USP38: variants seen among roughly 807,000 people sequenced by gnomAD.
The protein encoded by USP38 is ubiquitin specific peptidase 38.
USP38 carries 49 observed loss-of-function variants against 94.3 expected under a neutral mutation model. The observed-to-expected ratio is 0.52, with a 90% CI of 0.41 to 0.66. The LOEUF (loss-of-function observed/expected upper bound fraction) is 0.66, where lower values mean the gene tolerates loss of function less well. USP38 is among the 30% of genes least tolerant of loss of function. The probability of loss-of-function intolerance (pLI) is 0.00; values close to 1 mark genes in which losing one functional copy is unlikely to be tolerated. For synonymous variants in USP38, 468 were observed against 463.6 expected, an observed-to-expected ratio of 1.01 and a Z score of -0.12; for missense variants, 1,128 against 1,229.4, an observed-to-expected ratio of 0.92 and a Z score of 1.23.
chr4:143,185,905 C>T lies in USP38; in HGVS notation c.455C>T (p.Thr152Ile). The change falls in exon 1 of 10, where the codon ACC (threonine) becomes ATC (isoleucine). Residue 152 changes from threonine to isoleucine, a missense_variant. Coordinates refer to ENST00000307017, the MANE Select transcript of USP38 (RefSeq NM_032557.6). ...QLCARLSDLL[T>I]DFVQCIPKGK... ...TGTGCCCGACTGAGCGACCTTCTGA[C>T]CGACTTTGTGCAATGCATCCCCAAG... 6.2e-7 allele frequency: 1 copy of T among 1,614,184 alleles called. No homozygotes were observed. The highest frequency in any genetic ancestry group is 8.5e-7 in the Non-Finnish European group (1 of 1,180,030).
In USP38 at chr4:143,197,527, G is replaced by C. The variant is rs962602852; in HGVS notation, c.949-296G>C. 2.0e-5 allele frequency among the ~76,000 whole-genome samples: 3 copies of C among 152,276 alleles called. No individual in the cohort carries two copies. In the East Asian group the frequency reaches 5.8e-4, roughly 29 times the overall value. On this transcript the variant is annotated intron_variant, in intron 3 of 9. Coordinates refer to ENST00000307017, the MANE Select transcript of USP38 (RefSeq NM_032557.6). ...AGTATGTGCTTAACAAATATTTGTT[G>C]AGTGAACTGAATGAATAGTGGACTA...
chr4:143,206,271 T>G, intron 6 of USP38, 45 bp downstream of exon 6: 1 of 1,412,222 alleles, frequency 7.1e-7, no homozygotes, highest in South Asian at 1.5e-5. Flanking sequence ...TAGAAGTTGA[T>G]GCATGCTGAT....
At position 143,185,895 on chromosome 4, in the gene USP38, G is replaced by T; in HGVS notation, c.445G>T (p.Asp149Tyr). 2 of 1,614,174 alleles carry T rather than the reference G, an allele frequency of 1.2e-6. No individual in the cohort carries two copies. Among genetic ancestry groups the T allele is most frequent in the South Asian group, 2.2e-5 (2 of 91,078 alleles). ...PEPQLCARLS[D>Y]LLTDFVQCIP... ...GCCGCAGCTCTGTGCCCGACTGAGC[G>T]ACCTTCTGACCGACTTTGTGCAATG... The change falls in exon 1 of 10, where the codon GAC (aspartate) becomes TAC (tyrosine). Residue 149 changes from aspartate to tyrosine, a missense_variant. Asp to Tyr is a radical substitution (Grantham distance 160). Transcript: ENST00000307017.
At chr4:143,205,721 C>T (rs1324199927) in intron 5 of USP38, among the ~76,000 whole-genome samples, 3 of 152,068 alleles carry the variant, frequency 2.0e-5, no homozygotes, top group African/African-American at 7.2e-5. Context: ...TTCTCTGACC[C>T]CAAAGTTTTA....
At position 143,195,762 on chromosome 4, in the gene USP38, T is replaced by C; in HGVS notation, c.865T>C (p.Trp289Arg). 1 of 1,613,398 alleles carries C rather than the reference T, an allele frequency of 6.2e-7. No individual in the cohort carries two copies. Among genetic ancestry groups the C allele is most frequent in the South Asian group, 1.1e-5 (1 of 90,926 alleles). The change falls in exon 3 of 10, where the codon TGG (tryptophan) becomes CGG (arginine). Residue 289 changes from tryptophan (W) to arginine (R), a missense_variant. By Grantham distance (101) the Trp-to-Arg change is moderately radical. Coordinates refer to ENST00000307017, the MANE Select transcript of USP38 (RefSeq NM_032557.6). ...SWPLAQHVDTWVIALLKGLAA... is the reference protein window; with the variant it reads ...SWPLAQHVDTRVIALLKGLAA... ...GCCATTGGCTCAGCATGTGGATACA[T>C]GGGTAATTGCACTCCTGAAAGGACT...
At position 143,186,005 on chromosome 4, in the gene USP38, A is replaced by C; in HGVS notation, c.555A>C (p.Glu185Asp). 6.2e-7 allele frequency: 1 copy of C among 1,614,204 alleles called. No individual in the cohort carries two copies. The highest frequency in any genetic ancestry group is 8.5e-7 in the Non-Finnish European group (1 of 1,180,038). ...IGHFQCVSTQ[E>D]RELREYVSQV... ...ATTTCCAGTGCGTGTCCACCCAGGA[A>C]AGAGAGCTGCGGGAATATGTCTCCC... Residue 185 changes from glutamate (E) to aspartate (D), a missense_variant, in exon 1 of 10, where the codon GAA becomes GAC. Transcript: ENST00000307017.
rs1337688676 is a variant in USP38, at chr4:143,214,914, A to G, written c.2938A>G (p.Ile980Val). The G allele has an allele frequency of 4.3e-6, 7 of 1,612,692 alleles. No homozygotes were observed. Among genetic ancestry groups the G allele is most frequent in the South Asian group, 1.1e-5 (1 of 90,878 alleles). The change falls in exon 9 of 10, where the codon ATA becomes GTA. Residue 980 changes from isoleucine to valine, a missense_variant. Ile to Val is a conservative substitution (Grantham distance 29). Transcript: ENST00000307017. ...PPLQKELMDA[I>V]TKDNKLYLQE... ...TCTACAGAAAGAACTTATGGATGCT[A>G]TAACAAAAGACAATAAACTATATTT...
In USP38 at chr4:143,214,230, A is replaced by C. The variant is rs771390958; in HGVS notation, c.2254A>C (p.Met752Leu). 9.9e-6 allele frequency: 16 copies of C among 1,613,584 alleles called. No individual in the cohort carries two copies. In the Admixed American group the frequency reaches 2.7e-4, roughly 27 times the overall value. ...CTCTCTGCAAAATGCTGAGAAAACT[A>C]TGCAAATCACGGAGGAACCTGAATA... ...CASLQNAEKT[M>L]QITEEPEYLI... The change falls in exon 9 of 10, where the codon ATG becomes CTG. Residue 752 changes from methionine (M) to leucine (L), a missense_variant. Met to Leu is a conservative substitution (Grantham distance 15). Transcript: ENST00000307017.
intron 2 of USP38, among the ~76,000 whole-genome samples, chr4:143,194,281 CAG>C (rs1731481223): frequency 2.0e-5 from 3 of 152,126 alleles, no homozygotes; most frequent in Admixed American, 2.0e-4. Flanking sequence ...ATCTTCACAA[CAG>C]TGCTATAAAA....
Position 143,185,239 on chromosome 4 carries a change from C to T in USP38, c.-212C>T. ...CTTAGGCCAGCCGCAGGTGTCGGTT[C>T]TTAGGCTCTCCAGGCTCGCTAGCTC... On this transcript the variant is annotated 5_prime_UTR_variant, in exon 1 of 10. Coordinates refer to ENST00000307017, the MANE Select transcript of USP38 (RefSeq NM_032557.6). 4 of 588,110 alleles carry T rather than the reference C, an allele frequency of 6.8e-6. No homozygotes were observed. Among genetic ancestry groups the T allele is most frequent in the South Asian group, 6.8e-5 (3 of 44,172 alleles). 36.4% of individuals were successfully genotyped at this position (588,110 alleles called of 1,614,324 possible).
chr4:143,191,349 GATC>G (rs1415176051), intron 2 of USP38, among the ~76,000 whole-genome samples: 2 of 152,182 alleles, frequency 1.3e-5, no homozygotes, highest in Non-Finnish European at 2.9e-5. Context: ...AGAGAAAACT[GATC>G]ATCAAGTCCA....
chr4:143,214,301 T>C lies in USP38; in HGVS notation c.2325T>C (p.His775=), dbSNP rs1262084758. ...GATTTTCATATGATCAGAAGTATCATGTGAGAAGGAAAATTTTAGACAATG... is the reference window on the plus strand; with the variant it reads ...GATTTTCATATGATCAGAAGTATCACGTGAGAAGGAAAATTTTAGACAATG... ...LLRFSYDQKY[H]VRRKILDNVS... Residue 775 remains histidine, a synonymous_variant, in exon 9 of 10, where the codon CAT becomes CAC. Transcript: ENST00000307017. 8.1e-6 allele frequency: 13 copies of C among 1,612,930 alleles called. No homozygotes were observed. The highest frequency in any genetic ancestry group is 1.1e-5 in the Non-Finnish European group (13 of 1,179,628).
Position 143,213,567 on chromosome 4 carries a change from ATCC to A in USP38, c.1605-11_1605-9del. 6.4e-7 allele frequency: 1 copy of A among 1,572,978 alleles called. No individual in the cohort carries two copies. The highest frequency in any genetic ancestry group is 1.2e-5 in the South Asian group (1 of 83,970). On this transcript the variant is annotated splice_polypyrimidine_tract_variant and intron_variant, in intron 8 of 9. Transcript: ENST00000307017. ...TTAATTTAAGTAGCTATATAATGAT[ATCC>A]TCTGCTGCAGGCTCCATGAAGAAGA...
chr4:143,211,180 A>C (rs1040391324), intron 7 of USP38, among the ~76,000 whole-genome samples: 2 of 152,182 alleles, frequency 1.3e-5, no homozygotes, highest in Non-Finnish European at 2.9e-5. Context: ...CTCCCAAGAA[A>C]AGTAGAAATT....
At chr4:143,197,298 A>T (rs1302162226) in intron 3 of USP38, among the ~76,000 whole-genome samples, 3 of 152,178 alleles carry the variant, frequency 2.0e-5, no homozygotes, top group Non-Finnish European at 4.4e-5. Context: ...ATTGAACGCT[A>T]TATAAAACAG....
At chr4:143,196,515 A>G (rs10155329) in intron 3 of USP38, among the ~76,000 whole-genome samples, 7,703 of 152,100 alleles carry the variant, frequency 0.051, 274 homozygotes, top group African/African-American at 0.098. Flanking sequence ...GGCACAGTCG[A>G]TCACTCCCTC....
At chr4:143,200,637 C>A (rs763882011) in intron 4 of USP38, among the ~76,000 whole-genome samples, 1 of 152,290 alleles carries the variant, frequency 6.6e-6, no homozygotes, top group East Asian at 1.9e-4. Flanking sequence ...CCCATAGTCT[C>A]AGCGCAAAAG....
At chr4:143,213,507 C>G in intron 8 of USP38, 74 bp from the exon 9 acceptor site, 1 of 1,368,680 alleles carries the variant, frequency 7.3e-7, no homozygotes, top group Non-Finnish European at 9.7e-7. Flanking sequence ...TTTATAGAAG[C>G]CACTAATATT....
intron 9 of USP38, among the ~76,000 whole-genome samples, 153 bp from the exon 10 acceptor site, chr4:143,220,142 A>G (rs981674502): frequency 1.3e-5 from 2 of 152,092 alleles, no homozygotes; most frequent in Admixed American, 1.3e-4. Context: ...TTTCTTAGAG[A>G]AATTTTTTTT....
Sources: allele counts gnomAD v4.1 joint callset (sites outside exome capture counted in the v4.1 genomes callset), GRCh38; gene constraint gnomAD v4.1.1; transcripts MANE v1.5; gene names NCBI Gene and HGNC (gene_info 2026-07-23, HGNC 2026-07-21).